Variants in CHCHD3 observed in about 807,000 individuals in gnomAD.
CHCHD3 encodes the protein coiled-coil-helix-coiled-coil-helix domain containing 3.
In CHCHD3, 20 loss-of-function variants were observed where a neutral mutation model predicts 38.2. The ratio of observed to expected loss-of-function variants is 0.52; its 90% confidence interval spans 0.37 to 0.76. CHCHD3 has a LOEUF of 0.76. CHCHD3 is among the 30% of genes least tolerant of loss of function. The pLI is 0.00. For missense variants in CHCHD3, 245 were observed against 279.2 expected (o/e 0.88, Z 0.87); for synonymous variants, 82 against 100.0 (o/e 0.82, Z 1.07).
At chr7:132,882,496 T>C (rs1454713200) in intron 5 of CHCHD3, among the ~76,000 whole-genome samples, 6 of 100,914 alleles carry the variant, frequency 5.9e-5, no homozygotes, top group Admixed American at 4.1e-4. Flanking sequence ...TATATATATA[T>C]ATATTCACAA....
At chr7:132,908,983 A>AC (rs1200220821) in intron 4 of CHCHD3, among the ~76,000 whole-genome samples, 6 of 151,970 alleles carry the variant, frequency 3.9e-5, no homozygotes, top group Admixed American at 2.6e-4. Flanking sequence ...TGTGAGAGGG[A>AC]CCCGGTAAGA....
chr7:132,863,388 C>T (rs552997321), intron 5 of CHCHD3, among the ~76,000 whole-genome samples: 1 of 152,250 alleles, frequency 6.6e-6, no homozygotes, highest in Admixed American at 6.5e-5. Flanking sequence ...CAACAGTAGG[C>T]TTAAAATATT....
intron 3 of CHCHD3, among the ~76,000 whole-genome samples, chr7:133,001,723 A>G (rs1812579122): frequency 6.6e-6 from 1 of 152,202 alleles, no homozygotes. Flanking sequence ...TTCAGAAACT[A>G]TAAAGCCAAG....
rs542913564 is a variant in CHCHD3 at position 132,906,541 on chromosome 7, A to G, written c.370-20796T>C. ...TTACTACTAATAATGACATGAGATT[A>G]TTAAAACCAAACACGGTGCCCCTGC... On this transcript the variant is annotated intron_variant, in intron 4 of 7. Coordinates refer to ENST00000262570, the MANE Select transcript of CHCHD3 (RefSeq NM_017812.4). Among the ~76,000 whole-genome samples, 6 of 152,312 alleles carry G rather than the reference A, an allele frequency of 3.9e-5. No individual in the cohort carries two copies. The South Asian group carries it at 1.2e-3, about 32-fold the overall frequency.
intron 2 of CHCHD3, among the ~76,000 whole-genome samples, chr7:133,049,867 A>C (rs1814099363): frequency 6.6e-6 from 1 of 152,220 alleles, no homozygotes; most frequent in South Asian, 2.1e-4. Flanking sequence ...CCTCTGAACA[A>C]TGACTCCTTG....
At chr7:132,942,493 T>A (rs1810794213) in intron 4 of CHCHD3, among the ~76,000 whole-genome samples, 1 of 152,144 alleles carries the variant, frequency 6.6e-6, no homozygotes, top group Admixed American at 6.6e-5. Flanking sequence ...AAGAAGAAAA[T>A]TACTCAGTGT....
intron 6 of CHCHD3, among the ~76,000 whole-genome samples, chr7:132,832,003 T>A (rs1347249706): frequency 6.6e-6 from 1 of 152,072 alleles, no homozygotes; most frequent in Non-Finnish European, 1.5e-5. Flanking sequence ...AATATAGCTA[T>A]TAAAATATTA....
chr7:132,860,987 G>A (rs1808476836), intron 5 of CHCHD3, among the ~76,000 whole-genome samples: 1 of 152,182 alleles, frequency 6.6e-6, no homozygotes, highest in South Asian at 2.1e-4. Context: ...GGAGGGAACA[G>A]AAGATGGACT....
intron 5 of CHCHD3, among the ~76,000 whole-genome samples, chr7:132,875,742 AT>A (rs751793104): frequency 2.6e-5 from 4 of 152,208 alleles, no homozygotes; most frequent in Non-Finnish European, 5.9e-5. Flanking sequence ...TGAGTGGTGA[AT>A]GCCAAGGACT....
chr7:132,841,599 C>T (rs1050174036), intron 5 of CHCHD3, among the ~76,000 whole-genome samples: 10 of 151,810 alleles, frequency 6.6e-5, no homozygotes, highest in African/African-American at 2.2e-4. Context: ...GTACCTTATG[C>T]CAAGATTGGA....
At chr7:132,911,344 A>G (rs1186950508) in intron 4 of CHCHD3, among the ~76,000 whole-genome samples, 1 of 152,160 alleles carries the variant, frequency 6.6e-6, no homozygotes, top group Non-Finnish European at 1.5e-5. Flanking sequence ...CTACCTGTCA[A>G]TGTTCTCTTC....
At chr7:132,941,448 C>G (rs904543975) in intron 4 of CHCHD3, among the ~76,000 whole-genome samples, 1 of 152,248 alleles carries the variant, frequency 6.6e-6, no homozygotes, top group Admixed American at 6.5e-5. Context: ...AAAATACCCC[C>G]ACTAAGACCA....
intron 4 of CHCHD3, among the ~76,000 whole-genome samples, chr7:132,948,220 T>C (rs1006259295): frequency 2.0e-5 from 3 of 152,092 alleles, no homozygotes; most frequent in Non-Finnish European, 4.4e-5. Context: ...AATGTTACTA[T>C]AGTTTTATTA....
intron 5 of CHCHD3, among the ~76,000 whole-genome samples, chr7:132,841,433 A>C (rs1363232801): frequency 6.6e-6 from 1 of 151,536 alleles, no homozygotes; most frequent in Admixed American, 6.6e-5. Context: ...AACAACAAAA[A>C]AAAAAAAACA....
At chr7:133,065,720 CTAAA>C (rs1268248043) in intron 2 of CHCHD3, among the ~76,000 whole-genome samples, 1 of 152,116 alleles carries the variant, frequency 6.6e-6, no homozygotes, top group African/African-American at 2.4e-5. Flanking sequence ...ACTAAAACTC[CTAAA>C]TGAGACAAAC....
rs893918197 is a variant in CHCHD3 at position 133,057,569 on chromosome 7, GA to G, written c.169+12572del. Among the ~76,000 whole-genome samples, 3 of 147,926 alleles carry G rather than the reference GA, an allele frequency of 2.0e-5. No individual in the cohort carries two copies. The East Asian group carries it at 5.9e-4, about 29-fold the overall frequency. Reference sequence around the variant, plus strand: ...ACAGTAAGACCTCGTCTCAAAAAAAGAAAAAAAAAGAAAAAAGGTTTCAGCT... The same window carrying G: ...ACAGTAAGACCTCGTCTCAAAAAAAGAAAAAAAAGAAAAAAGGTTTCAGCT... On this transcript the variant is annotated intron_variant, in intron 2 of 7. Transcript: ENST00000262570.
chr7:132,930,508 A>T (rs1224716028), intron 4 of CHCHD3, among the ~76,000 whole-genome samples: 1 of 152,044 alleles, frequency 6.6e-6, no homozygotes, highest in African/African-American at 2.4e-5. Context: ...AATGTCTCCC[A>T]CATATAATCT....
In CHCHD3 at chr7:132,796,328, T is replaced by C. The variant is rs1210420594; in HGVS notation, c.660+114A>G. 7.8e-6 allele frequency: 9 copies of C among 1,149,978 alleles called. No homozygotes were observed. The Admixed American group carries it at 1.8e-4, about 24-fold the overall frequency. 71.2% of individuals were successfully genotyped at this position (1,149,978 alleles called of 1,614,324 possible). A position where few individuals can be genotyped will look rare whatever the true frequency, so the allele number is the denominator to read the frequency against. On this transcript the variant is annotated intron_variant, in intron 7 of 7. Coordinates refer to ENST00000262570, the MANE Select transcript of CHCHD3 (RefSeq NM_017812.4). ...TACAGTAATTCTTGATGATGATGAC[T>C]AGGGCTTAGAAAGCTTTTTCACACA...
rs967494131 is a variant in CHCHD3 at position 133,002,089 on chromosome 7, A to G, written c.251+22457T>C. Among the ~76,000 whole-genome samples, 4 of 152,172 alleles carry G rather than the reference A, an allele frequency of 2.6e-5. No homozygotes were observed. In the South Asian group the frequency reaches 6.2e-4, roughly 24 times the overall value. On this transcript the variant is annotated intron_variant, in intron 3 of 7. Coordinates refer to ENST00000262570, the MANE Select transcript of CHCHD3 (RefSeq NM_017812.4). ...TAAGTGGTCTCAGAACTAGTAACCC[A>G]TGAAGCTGGAATTCAAACCCAAGTG... is the stretch of plus-strand genomic sequence containing the variant.
Sources: allele counts gnomAD v4.1 joint callset (sites outside exome capture counted in the v4.1 genomes callset), GRCh38; gene constraint gnomAD v4.1.1; transcripts MANE v1.5; gene names NCBI Gene and HGNC (gene_info 2026-07-23, HGNC 2026-07-21).